Variants in RBFOX1 observed in about 807,000 individuals in gnomAD.
RBFOX1 encodes RNA binding fox-1 homolog 1.
A neutral mutation model predicts 57.7 loss-of-function variants in RBFOX1; 8 were observed. That is an observed-to-expected ratio of 0.14 (90% CI 0.08 to 0.25). The LOEUF is 0.25. Ranked by LOEUF, RBFOX1 falls within the 10% of genes least tolerant of loss-of-function variation. The pLI is 1.00. For synonymous variants in RBFOX1, 326 were observed against 222.4 expected, an observed-to-expected ratio of 1.47 and a Z score of -4.15; for missense variants, 611 against 548.5, an observed-to-expected ratio of 1.11 and a Z score of -1.14.
rs185081237 is a variant in RBFOX1, at chr16:6,939,265, A to G, written c.-15-112792A>G. On this transcript the variant is annotated intron_variant, in intron 3 of 15. Transcript: ENST00000550418. Reference sequence around the variant, plus strand: ...TCCCCACTTCTCAAATATTGCAGACATGAGTGTAATATGAGTCATTATTTT... The same window carrying G: ...TCCCCACTTCTCAAATATTGCAGACGTGAGTGTAATATGAGTCATTATTTT... Among the ~76,000 whole-genome samples the G allele has an allele frequency of 2.4e-3, 370 of 152,314 alleles. 1 individual carries two copies. The highest frequency in any genetic ancestry group is 3.8e-3 in the Non-Finnish European group (261 of 68,020).
intron 3 of RBFOX1, among the ~76,000 whole-genome samples, chr16:6,970,477 T>G (rs769266657): frequency 1.2e-4 from 18 of 152,144 alleles, no homozygotes; most frequent in Non-Finnish European, 1.2e-4. Context: ...AGTACATTGC[T>G]CACAGTTCTG....
At chr16:5,910,522 T>C (rs929526592) in intron 4 of RBFOX1, among the ~76,000 whole-genome samples, 1 of 150,488 alleles carries the variant, frequency 6.6e-6, no homozygotes, top group Non-Finnish European at 1.5e-5. Flanking sequence ...GTAGATGGGA[T>C]AGGTAGAAAG....
In RBFOX1 at chr16:7,041,169, C is replaced by G. The variant is rs192148167; in HGVS notation, c.-15-10888C>G. Among the ~76,000 whole-genome samples the G allele has an allele frequency of 1.6e-3, 235 of 147,430 alleles. 1 individual carries two copies. Among genetic ancestry groups the G allele is most frequent in the African/African-American group, 5.5e-3 (218 of 39,958 alleles). On this transcript the variant is annotated intron_variant, in intron 3 of 15. Coordinates refer to ENST00000550418, the MANE Select transcript of RBFOX1 (RefSeq NM_018723.4). ...CAGGCTGGTGTCGAACATCTGACCT[C>G]ATGATCCACCCGCCTTGTCCTCCCA...
intron 4 of RBFOX1, among the ~76,000 whole-genome samples, chr16:7,076,783 A>G (rs901037147): frequency 1.5e-4 from 23 of 152,284 alleles, no homozygotes; most frequent in African/African-American, 4.8e-4. Context: ...TTCCATTCCA[A>G]TGTCATGGTT....
intron 1 of RBFOX1, among the ~76,000 whole-genome samples, chr16:5,389,130 G>A (rs1239273695): frequency 6.6e-6 from 1 of 151,814 alleles, no homozygotes; most frequent in Admixed American, 6.6e-5. Context: ...GGCGGAGCTT[G>A]CAGTGAGCCG....
chr16:7,303,223 G>T (rs995775094), intron 4 of RBFOX1, among the ~76,000 whole-genome samples: 1 of 152,248 alleles, frequency 6.6e-6, no homozygotes, highest in African/African-American at 2.4e-5. Context: ...GGCACAGAGC[G>T]AAAGCTGCGC....
chr16:6,868,529 T>C (rs951313730), intron 3 of RBFOX1, among the ~76,000 whole-genome samples: 8 of 152,096 alleles, frequency 5.3e-5, no homozygotes, highest in African/African-American at 1.7e-4. Flanking sequence ...TGGAGTGCGG[T>C]AGTATGATAA....
chr16:7,313,669 C>G (rs1603618772), intron 4 of RBFOX1, among the ~76,000 whole-genome samples: 1 of 150,672 alleles, frequency 6.6e-6, no homozygotes. Context: ...GACAAGCACA[C>G]GAATAAGCAC....
At chr16:6,035,810 C>A (rs2095358228) in intron 1 of RBFOX1, among the ~76,000 whole-genome samples, 1 of 152,090 alleles carries the variant, frequency 6.6e-6, no homozygotes, top group Admixed American at 6.6e-5. Flanking sequence ...GCCTTTTTGG[C>A]TGAGAAGAAG....
chr16:6,048,443 C>G (rs770722419), intron 1 of RBFOX1, among the ~76,000 whole-genome samples: 2 of 152,190 alleles, frequency 1.3e-5, no homozygotes, highest in Non-Finnish European at 2.9e-5. Context: ...GCCCCTGAAA[C>G]TTCATTATTT....
intron 14 of RBFOX1, among the ~76,000 whole-genome samples, chr16:7,683,919 G>T (rs2075480102): frequency 6.6e-6 from 1 of 152,060 alleles, no homozygotes; most frequent in Non-Finnish European, 1.5e-5. Context: ...CAGCATTTGT[G>T]GATGTGGCAA....
chr16:5,922,832 G>A (rs1469193227), intron 4 of RBFOX1, among the ~76,000 whole-genome samples: 1 of 152,256 alleles, frequency 6.6e-6, no homozygotes, highest in Non-Finnish European at 1.5e-5. Context: ...AGCCACAGAA[G>A]GAAGTGTAAA....
intron 12 of RBFOX1, among the ~76,000 whole-genome samples, chr16:7,660,329 C>T (rs1226029454): frequency 2.6e-5 from 4 of 152,196 alleles, no homozygotes; most frequent in Admixed American, 6.5e-5. Flanking sequence ...CATGGCTAGA[C>T]GGACCATCTC....
intron 1 of RBFOX1, among the ~76,000 whole-genome samples, chr16:6,128,711 C>G (rs1039381947): frequency 2.6e-5 from 4 of 152,188 alleles, no homozygotes; most frequent in Non-Finnish European, 5.9e-5. Context: ...GGCTGACTAT[C>G]CATGTCCAGG....
At chr16:5,259,782 C>T (rs2062686951) in intron 1 of RBFOX1, among the ~76,000 whole-genome samples, 1 of 152,188 alleles carries the variant, frequency 6.6e-6, no homozygotes, top group South Asian at 2.1e-4. Context: ...CTGCCAAAAG[C>T]GTTTTGTGGG....
intron 1 of RBFOX1, among the ~76,000 whole-genome samples, chr16:6,069,091 G>T (rs920942744): frequency 2.6e-5 from 4 of 152,082 alleles, no homozygotes; most frequent in Admixed American, 6.6e-5. Context: ...GAAGGAAGGA[G>T]CGAGGGAAGA....
chr16:7,224,805 C>A (rs1342319709), intron 4 of RBFOX1, among the ~76,000 whole-genome samples: 3 of 152,204 alleles, frequency 2.0e-5, no homozygotes, highest in African/African-American at 7.2e-5. Flanking sequence ...ACCAGCCTCA[C>A]TTGGTAACTG....
intron 3 of RBFOX1, chr16:6,705,665 C>T (rs1005984595): frequency 6.6e-6 from 1 of 152,104 alleles, no homozygotes; most frequent in Non-Finnish European, 1.5e-5. Context: ...GCGCTCACAA[C>T]AACAACAAAG....
chr16:6,131,161 G>T (rs2096627059), intron 1 of RBFOX1, among the ~76,000 whole-genome samples: 1 of 152,196 alleles, frequency 6.6e-6, no homozygotes, highest in East Asian at 1.9e-4. Flanking sequence ...TTCTGACTAG[G>T]AAGGGGCACC....
Sources: gnomAD v4.1 joint callset for allele counts (sites outside exome capture counted in the v4.1 genomes callset) on GRCh38, gnomAD v4.1.1 for gene constraint, MANE v1.5 for transcripts, NCBI Gene and HGNC (gene_info 2026-07-23, HGNC 2026-07-21) for gene names.